SEMA5B: variants seen among roughly 807,000 people sequenced by gnomAD.
SEMA5B encodes semaphorin-5B.
In SEMA5B, 66 loss-of-function variants were observed where a neutral mutation model predicts 135.0. That is an observed-to-expected ratio of 0.49 (90% CI 0.40 to 0.60). The LOEUF is 0.60. Among genes scored for constraint, SEMA5B ranks in the 20% least tolerant of loss-of-function variants. The probability of loss-of-function intolerance (pLI) is 0.00; values close to 1 mark genes in which losing one functional copy is unlikely to be tolerated. For synonymous variants in SEMA5B, 690 were observed against 639.5 expected, an observed-to-expected ratio of 1.08 and a Z score of -1.19; for missense variants, 1,501 against 1,566.3, an observed-to-expected ratio of 0.96 and a Z score of 0.70.
intron 5 of SEMA5B, among the ~76,000 whole-genome samples, chr3:122,937,590 C>T (rs1225193715): frequency 6.6e-6 from 1 of 152,164 alleles, no homozygotes; most frequent in African/African-American, 2.4e-5. Flanking sequence ...GTTCCTGGTG[C>T]TTTGGGGGCT....
chr3:122,942,542 A>G (rs532523420), intron 4 of SEMA5B, among the ~76,000 whole-genome samples: 14 of 152,242 alleles, frequency 9.2e-5, no homozygotes, highest in African/African-American at 2.9e-4. Flanking sequence ...GGTTAAGGAG[A>G]CCTGGCTGTA....
rs146763530 is a variant in SEMA5B at position 122,920,938 on chromosome 3, C to T, written c.1688+977G>A. 1.9e-4 allele frequency among the ~76,000 whole-genome samples: 29 copies of T among 152,330 alleles called. No homozygotes were observed. In the East Asian group the frequency reaches 2.7e-3, roughly 14 times the overall value. ...ATGTCTTAGTAAGTGTGTGGTGTCTCGCTGATGGAGACTTGTGTTGGGGCT... is the reference window on the plus strand; with the variant it reads ...ATGTCTTAGTAAGTGTGTGGTGTCTTGCTGATGGAGACTTGTGTTGGGGCT... On this transcript the variant is annotated intron_variant, in intron 12 of 22. Transcript: ENST00000357599.
chr3:122,935,288 C>T (rs766227113), intron 5 of SEMA5B, among the ~76,000 whole-genome samples: 1 of 151,924 alleles, frequency 6.6e-6, no homozygotes, highest in African/African-American at 2.4e-5. Flanking sequence ...GCAAAGACTC[C>T]CTTAGTCTCC....
intron 1 of SEMA5B, among the ~76,000 whole-genome samples, chr3:122,995,230 G>A (rs1240373520): frequency 6.6e-6 from 1 of 152,206 alleles, no homozygotes; most frequent in Non-Finnish European, 1.5e-5. Flanking sequence ...TTAGTCTGGG[G>A]TTTTCTGGAA....
At chr3:122,916,775 G>C (rs58184682) in intron 12 of SEMA5B, among the ~76,000 whole-genome samples, 79,401 of 151,906 alleles carry the variant, frequency 0.52, 23,212 homozygotes, top group Non-Finnish European at 0.67. Flanking sequence ...GTGCTGCTTA[G>C]TGGCAGGAAT....
At chr3:122,948,833 CTCAGAGTTTGCTCTGCTCTAG>C in intron 2 of SEMA5B, 124 bp from the exon 3 acceptor site, 1 of 792,504 alleles carries the variant, frequency 1.3e-6, no homozygotes, top group Non-Finnish European at 1.9e-6. Context: ...ATTTATGTTA[CTCAGAGTTTGCTCTGCTCTAG>C]TAAATGCGAA....
At chr3:122,938,226 G>T (rs1186361409) in intron 5 of SEMA5B, among the ~76,000 whole-genome samples, 1 of 152,190 alleles carries the variant, frequency 6.6e-6, no homozygotes, top group East Asian at 1.9e-4. Flanking sequence ...CTGGCCTTTA[G>T]TGGTTATTCA....
At position 122,930,081 on chromosome 3, in the gene SEMA5B, G is replaced by GA. The variant is rs920795154; in HGVS notation, c.475-1024dup. ...AGCTCTGTCTTCCAAATGGGGAGGGGAAAAAAAAGAGCCCACCTGCTTTTA... is the reference window on the plus strand; with the variant it reads ...AGCTCTGTCTTCCAAATGGGGAGGGGAAAAAAAAAGAGCCCACCTGCTTTTA... On this transcript the variant is annotated intron_variant, in intron 5 of 22. Transcript: ENST00000357599. Among the ~76,000 whole-genome samples, 3 of 152,070 alleles carry GA rather than the reference G, an allele frequency of 2.0e-5. No individual in the cohort carries two copies. In the East Asian group the frequency reaches 5.8e-4, roughly 29 times the overall value.
intron 12 of SEMA5B, among the ~76,000 whole-genome samples, chr3:122,919,193 A>C (rs1034501575): frequency 1.3e-5 from 2 of 152,074 alleles, no homozygotes; most frequent in East Asian, 1.9e-4. Context: ...GCTTGTGAGC[A>C]AAAAAATGGC....
At chr3:122,971,742 G>T (rs1199475355) in intron 1 of SEMA5B, among the ~76,000 whole-genome samples, 1 of 152,258 alleles carries the variant, frequency 6.6e-6, no homozygotes, top group Non-Finnish European at 1.5e-5. Context: ...CTTTCTGGAA[G>T]GCAGGTGCGG....
chr3:122,971,641 TCTC>T (rs1235525340), intron 1 of SEMA5B, among the ~76,000 whole-genome samples: 1 of 152,262 alleles, frequency 6.6e-6, no homozygotes, highest in Non-Finnish European at 1.5e-5. Flanking sequence ...AAAGTGAGTC[TCTC>T]CTCCTGAATG....
In SEMA5B at chr3:122,913,327, C is replaced by G. The variant is rs775480629; in HGVS notation, c.2378G>C (p.Arg793Pro). The G allele has an allele frequency of 7.0e-6, 11 of 1,572,842 alleles. No individual in the cohort carries two copies. Among genetic ancestry groups the G allele is most frequent in the African/African-American group, 1.3e-5 (1 of 74,440 alleles). Residue 793 changes from arginine (R) to proline (P), a missense_variant, in exon 17 of 23, where the codon CGG becomes CCG. Transcript: ENST00000357599. ...GGTGAAGCGGAACCGCTGCTCCTGC[C>G]GTGCCCCGCCCTGCGTCACGTTCAC... The part of the protein sequence containing the change: ...LPVNVTQGGA[R>P]QEQRFRFTCR...
chr3:122,921,806 A>C, intron 12 of SEMA5B, 109 bp downstream of exon 12: 2 of 820,214 alleles, frequency 2.4e-6, no homozygotes, highest in Non-Finnish European at 3.7e-6. Flanking sequence ...CCTAAGGCAC[A>C]CTAGTGGAGA....
intron 2 of SEMA5B, among the ~76,000 whole-genome samples, chr3:122,955,229 T>C (rs905773022): frequency 6.6e-6 from 1 of 152,158 alleles, no homozygotes; most frequent in Non-Finnish European, 1.5e-5. Flanking sequence ...TCTGTCTACC[T>C]CCAGACTCCT....
intron 1 of SEMA5B, among the ~76,000 whole-genome samples, chr3:122,997,741 G>A (rs1942058605): frequency 6.6e-6 from 1 of 152,100 alleles, no homozygotes; most frequent in Middle Eastern, 3.2e-3. Flanking sequence ...GAAAAGTCAA[G>A]GTCTGTGTTT....
At chr3:122,968,038 T>C (rs1334190187) in intron 1 of SEMA5B, among the ~76,000 whole-genome samples, 1 of 152,242 alleles carries the variant, frequency 6.6e-6, no homozygotes, top group African/African-American at 2.4e-5. Flanking sequence ...CCTCCCCGGC[T>C]ACCACCTTCT....
intron 10 of SEMA5B, among the ~76,000 whole-genome samples, chr3:122,922,757 C>T (rs1048145629): frequency 2.6e-5 from 4 of 152,052 alleles, no homozygotes; most frequent in Non-Finnish European, 4.4e-5. Context: ...GACGAGTGTC[C>T]GGTGATTTTT....
Position 122,910,980 on chromosome 3 carries a change from G to A in SEMA5B, c.3157C>T (p.Leu1053=). ...TGCTGGCAAGACAGGTACACTGCTA[G>A]GGTCAGGAGCCCAGAGCCCAAGAAG... ...SCFLGSGLLT[L]AVYLSCQHCQ... is the part of the protein sequence containing the mutation. The change falls in exon 22 of 23, where the codon CTA becomes TTA. Residue 1053 remains leucine, a synonymous_variant. Transcript: ENST00000357599. 6.2e-7 allele frequency: 1 copy of A among 1,613,966 alleles called. No homozygotes were observed. The highest frequency in any genetic ancestry group is 8.5e-7 in the Non-Finnish European group (1 of 1,179,964).
intron 1 of SEMA5B, among the ~76,000 whole-genome samples, chr3:123,006,093 T>G (rs1942301708): frequency 6.6e-6 from 1 of 152,210 alleles, no homozygotes; most frequent in African/African-American, 2.4e-5. Context: ...TCTGTCAACC[T>G]AAAAGCACTG....
Sources: gnomAD v4.1 joint callset for allele counts (sites outside exome capture counted in the v4.1 genomes callset) on GRCh38, gnomAD v4.1.1 for gene constraint, MANE v1.5 for transcripts, NCBI Gene and HGNC (gene_info 2026-07-23, HGNC 2026-07-21) for gene names.